ZNF274: variants seen among roughly 807,000 people sequenced by gnomAD.
The protein encoded by ZNF274 is neurotrophin receptor-interacting factor homolog.
Under a neutral mutation model 42.5 loss-of-function variants are expected in ZNF274, and 23 were observed. The ratio of observed to expected loss-of-function variants is 0.54; its 90% CI spans 0.39 to 0.77. ZNF274 has a LOEUF of 0.77. Among genes scored for constraint, ZNF274 ranks in the 30% least tolerant of loss-of-function variants. The pLI is 0.00. For missense variants in ZNF274, 679 were observed against 806.5 expected, an observed-to-expected ratio of 0.84 and a Z score of 1.91; for synonymous variants, 292 against 305.4, an observed-to-expected ratio of 0.96 and a Z score of 0.46.
At chr19:58,205,378 T>C (rs917729954) in intron 4 of ZNF274, among the ~76,000 whole-genome samples, 15 of 152,228 alleles carry the variant, frequency 9.9e-5, no homozygotes, top group African/African-American at 3.6e-4. Context: ...AATATCAGGC[T>C]TGGTAGCCAA....
intron 4 of ZNF274, among the ~76,000 whole-genome samples, chr19:58,199,197 C>T (rs1015904740): frequency 3.3e-5 from 5 of 151,710 alleles, no homozygotes; most frequent in African/African-American, 1.2e-4. Flanking sequence ...AAAACCCTGT[C>T]TCTACTAAAA....
rs540697924 is a variant in ZNF274 at position 58,211,665 on chromosome 19, T to A, written c.958T>A (p.Phe320Ile). 2.5e-6 allele frequency: 4 copies of A among 1,613,128 alleles called. No homozygotes were observed. Among genetic ancestry groups the A allele is most frequent in the Non-Finnish European group, 3.4e-6 (4 of 1,179,436 alleles). The change falls in exon 7 of 8, where the codon TTT (phenylalanine) becomes ATT (isoleucine). Residue 320 changes from phenylalanine (F) to isoleucine (I), a missense_variant. Physicochemically the swap from Phe to Ile is conservative, Grantham distance 21. Transcript: ENST00000617501. This position sits in a 1 kb window ranked among gnomAD's most constrained non-coding sequence, Gnocchi z 4.8. ...GTACCGCGATGTGATGCTGGAGACC[T>A]TTGGGCACCTGGTCTCTGTGGGTAA... ...TEYRDVMLET[F>I]GHLVSVGWET...
intron 4 of ZNF274, among the ~76,000 whole-genome samples, chr19:58,188,694 G>GTATATATATATATATATATATATATA (rs71925177): frequency 2.7e-4 from 20 of 74,650 alleles, no homozygotes; most frequent in African/African-American, 4.9e-4. Context: ...ATATGTATAT[G>GTATATATATATATATATATATATATA]TATATATATA....
At position 58,212,913 on chromosome 19, in the gene ZNF274, A is replaced by G. The variant is rs1231091236; in HGVS notation, c.1732A>G (p.Ile578Val). Residue 578 changes from isoleucine (I) to valine (V), a missense_variant, in exon 8 of 8, where the codon ATC becomes GTC. Ile to Val is a conservative substitution (Grantham distance 29). Coordinates refer to ENST00000617501, the MANE Select transcript of ZNF274 (RefSeq NM_133502.3). This position sits in a 1 kb window ranked among gnomAD's most constrained non-coding sequence, Gnocchi z 4.6. ...CGRTFNDRSA[I>V]SQHLRTHTGA... is the part of the protein sequence containing the mutation. ...GAGGACCTTCAATGATCGCTCAGCC[A>G]TCTCCCAGCACCTGAGGACTCACAC... 1 of 1,614,058 alleles carries G rather than the reference A, an allele frequency of 6.2e-7. No homozygotes were observed. The highest frequency in any genetic ancestry group is 1.7e-5 in the Admixed American group (1 of 60,022).
Position 58,206,886 on chromosome 19 carries a change from T to A in ZNF274, c.423T>A (p.Asp141Glu). 1 of 1,613,830 alleles carries A rather than the reference T, an allele frequency of 6.2e-7. No individual in the cohort carries two copies. Among genetic ancestry groups the A allele is most frequent in the African/African-American group, 1.3e-5 (1 of 75,060 alleles). Residue 141 changes from aspartate (D) to glutamate (E), a missense_variant, in exon 5 of 8, where the codon GAT (aspartate) becomes GAA (glutamate). By Grantham distance (45) the Asp-to-Glu change is conservative (BLOSUM62 2). Coordinates refer to ENST00000617501, the MANE Select transcript of ZNF274 (RefSeq NM_133502.3). ...LYAEDGSLSA[D>E]APSEQVQQQG... ...CTGAAGATGGAAGCCTGAGTGCAGA[T>A]GCCCCCAGTGAGCAGGTCCAACAGC...
At position 58,203,720 on chromosome 19, in the gene ZNF274, AGCACTTATAAATGAG is replaced by A. The variant is rs570567637; in HGVS notation, c.257-2999_257-2985del. ...AGAAAGGGAATTAAATACAGATCAG[AGCACTTATAAATGAG>A]TTGGAGAGGCCAAGCCCCCAAAATG... is the stretch of plus-strand genomic sequence containing the variant. On this transcript the variant is annotated intron_variant, in intron 4 of 7. Transcript: ENST00000617501. 8.5e-5 allele frequency among the ~76,000 whole-genome samples: 13 copies of A among 152,316 alleles called. No individual in the cohort carries two copies. In the East Asian group the frequency reaches 2.1e-3, roughly 25 times the overall value.
At chr19:58,184,278 G>C (rs1198376489) in intron 2 of ZNF274, 2 of 365,278 alleles carry the variant, frequency 5.5e-6, no homozygotes, top group Non-Finnish European at 5.0e-6. Flanking sequence ...GTAATTGACA[G>C]GTCTTTTGTT....
At chr19:58,203,597 GAAAAA>G (rs1169436214) in intron 4 of ZNF274, among the ~76,000 whole-genome samples, 1 of 143,370 alleles carries the variant, frequency 7.0e-6, no homozygotes, top group African/African-American at 2.6e-5. Context: ...AAAAAAAAAA[GAAAAA>G]AACGCTGTAA....
At chr19:58,209,552 G>A (rs260418) in intron 5 of ZNF274, 41,900 of 155,612 alleles carry the variant, frequency 0.27, 6,284 homozygotes, top group East Asian at 0.4. Flanking sequence ...GGAGGAGAGA[G>A]GGAAGAAGGA....
At chr19:58,209,843 A>G (rs377112849) in intron 5 of ZNF274, 118 bp from the exon 6 acceptor site, 1 of 630,322 alleles carries the variant, frequency 1.6e-6, no homozygotes, top group Non-Finnish European at 2.8e-6. Flanking sequence ...AGAGGCTGTC[A>G]TGGAGCCACA....
At chr19:58,185,650 CCTGT>C (rs1210085185) in intron 2 of ZNF274, 58 bp from the exon 3 acceptor site, 1 of 1,379,382 alleles carries the variant, frequency 7.2e-7, no homozygotes. Flanking sequence ...GTCAGCCTCC[CCTGT>C]CTTTCTTTTG....
intron 4 of ZNF274, among the ~76,000 whole-genome samples, chr19:58,204,100 G>C (rs1481717409): frequency 1.3e-5 from 2 of 152,236 alleles, no homozygotes; most frequent in African/African-American, 4.8e-5. Context: ...GGAGAGGGGA[G>C]GGGTTGGGAG....
intron 4 of ZNF274, among the ~76,000 whole-genome samples, chr19:58,189,586 C>T (rs2075754090): frequency 1.3e-5 from 2 of 151,986 alleles, no homozygotes; most frequent in African/African-American, 4.8e-5. Context: ...TGTTACTGTA[C>T]TTTGATATAT....
Position 58,185,846 on chromosome 19 carries a change from TG to T in ZNF274, c.160+10del. 1 of 1,364,536 alleles carries T rather than the reference TG, an allele frequency of 7.3e-7. No homozygotes were observed. The highest frequency in any genetic ancestry group is 2.2e-5 in the South Asian group (1 of 45,926). 84.5% of individuals were successfully genotyped at this position (1,364,536 alleles called of 1,614,324 possible). ...GGAACCTGGTCTCAGTGGGTAAGGC[TG>T]GCCTCCAGGTCAAGAAGGATCTGTG... On this transcript the variant is annotated intron_variant, in intron 3 of 7. Coordinates refer to ENST00000617501, the MANE Select transcript of ZNF274 (RefSeq NM_133502.3).
intron 4 of ZNF274, among the ~76,000 whole-genome samples, chr19:58,195,664 A>G (rs1399314799): frequency 6.6e-6 from 1 of 152,112 alleles, no homozygotes; most frequent in African/African-American, 2.4e-5. Flanking sequence ...GCAGTCCCCA[A>G]CCTTTTTGGC....
At chr19:58,190,054 C>G (rs2075760581) in intron 4 of ZNF274, among the ~76,000 whole-genome samples, 1 of 149,996 alleles carries the variant, frequency 6.7e-6, no homozygotes, top group Non-Finnish European at 1.5e-5. Flanking sequence ...ACCTGGGAGG[C>G]AGAGGTTGCA....
intron 1 of ZNF274, chr19:58,183,688 A>C (rs1034521912): frequency 2.5e-6 from 1 of 407,008 alleles, no homozygotes; most frequent in African/African-American, 2.0e-5. Flanking sequence ...GGTCTGGGCC[A>C]GGGAGGCGAT....
chr19:58,194,371 C>CTTTTTTTTTTTTTTTTT (rs766266627), intron 4 of ZNF274, among the ~76,000 whole-genome samples: 8 of 64,178 alleles, frequency 1.2e-4, no homozygotes, highest in African/African-American at 1.4e-4. Context: ...TGTTTTTTAC[C>CTTTTTTTTTTTTTTTTT]TTTTTTTTTT....
At chr19:58,205,152 T>C (rs1280960659) in intron 4 of ZNF274, among the ~76,000 whole-genome samples, 1 of 152,202 alleles carries the variant, frequency 6.6e-6, no homozygotes, top group Non-Finnish European at 1.5e-5. Flanking sequence ...ATTCATCCCG[T>C]GAAAGTAGCT....
Sources: gnomAD v4.1 joint callset for allele counts (sites outside exome capture counted in the v4.1 genomes callset) on GRCh38, gnomAD v4.1.1 for gene constraint, Gnocchi (gnomAD v3.1) non-coding constraint, MANE v1.5 for transcripts, NCBI Gene and HGNC (gene_info 2026-07-23, HGNC 2026-07-21) for gene names.